CRYBG1: variants seen among roughly 807,000 people sequenced by gnomAD.
CRYBG1 encodes crystallin beta-gamma domain containing 1.
A neutral mutation model predicts 189.2 loss-of-function variants in CRYBG1; 139 were observed. The ratio of observed to expected loss-of-function variants is 0.73; its 90% CI spans 0.64 to 0.85. The LOEUF is 0.85. Ranked by LOEUF, CRYBG1 falls within the 40% of genes least tolerant of loss-of-function variation. CRYBG1 has a pLI of 0.00. For missense variants in CRYBG1, 2,611 were observed against 2,675.8 expected, an observed-to-expected ratio of 0.98 and a Z score of 0.53; for synonymous variants, 1,023 against 1,017.1, an observed-to-expected ratio of 1.01 and a Z score of -0.11.
chr6:106,396,029 C>G (rs182572988), intron 1 of CRYBG1, among the ~76,000 whole-genome samples: 45 of 152,240 alleles, frequency 3.0e-4, no homozygotes, highest in Admixed American at 5.2e-4. Context: ...CTTTCATGAT[C>G]CCAGGGCTAT....
chr6:106,532,638 T>G (rs1212561229), intron 8 of CRYBG1, among the ~76,000 whole-genome samples: 1 of 152,222 alleles, frequency 6.6e-6, no homozygotes, highest in Admixed American at 6.5e-5. Context: ...TGGTTTTGAT[T>G]TGCATTTCCC....
intron 6 of CRYBG1, among the ~76,000 whole-genome samples, chr6:106,526,620 C>G (rs1773743130): frequency 6.6e-6 from 1 of 152,042 alleles, no homozygotes; most frequent in African/African-American, 2.4e-5. Flanking sequence ...GTTAAAGTCT[C>G]TCTAAGAGAA....
At chr6:106,470,322 C>T (rs997969494) in intron 2 of CRYBG1, among the ~76,000 whole-genome samples, 7 of 152,242 alleles carry the variant, frequency 4.6e-5, no homozygotes, top group South Asian at 2.1e-4. Context: ...GAGACCTTGT[C>T]TCAAAACAAA....
intron 15 of CRYBG1, among the ~76,000 whole-genome samples, 156 bp from the exon 16 acceptor site, chr6:106,553,299 T>C (rs992024954): frequency 2.0e-5 from 3 of 152,214 alleles, no homozygotes; most frequent in African/African-American, 7.2e-5. Context: ...TAATTGATCA[T>C]GAATGTAGAC....
rs376673479 is a variant in CRYBG1 at position 106,494,807 on chromosome 6, G to T, written c.313-16623G>T. Among the ~76,000 whole-genome samples the T allele has an allele frequency of 1.5e-3, 226 of 152,188 alleles. 1 individual carries two copies. The highest frequency in any genetic ancestry group is 4.9e-3 in the African/African-American group (203 of 41,508). On this transcript the variant is annotated intron_variant, in intron 2 of 21. Coordinates refer to ENST00000633556, the MANE Select transcript of CRYBG1 (RefSeq NM_001371242.2). ...GACACATTTTTGTAATGGCACATGG[G>T]ATGTAGTTTGTAGTGTATAATGTAT...
chr6:106,481,855 C>A (rs760081058), intron 2 of CRYBG1, among the ~76,000 whole-genome samples: 31 of 152,334 alleles, frequency 2.0e-4, no homozygotes, highest in Non-Finnish European at 2.9e-4. Context: ...TTCATGCCTG[C>A]CATTAGTCCT....
In CRYBG1 at chr6:106,570,407, G is replaced by C. The variant is rs567524694; in HGVS notation, c.*1841G>C. The C allele has an allele frequency of 3.5e-4, 53 of 152,332 alleles. No individual in the cohort carries two copies. The highest frequency in any genetic ancestry group is 1.2e-3 in the African/African-American group (51 of 41,574). The allele number at this position is 152,332 out of a possible 1,614,324, so 9.4% of individuals were successfully genotyped here. A position where few individuals can be genotyped will look rare whatever the true frequency, so the allele number is the denominator to read the frequency against. ...GGGGTAAGACATTCTACAGTAGCCTGTGCTGAACTGATCTCTTAAATAAAC... is the reference window on the plus strand; with the variant it reads ...GGGGTAAGACATTCTACAGTAGCCTCTGCTGAACTGATCTCTTAAATAAAC... On this transcript the variant is annotated 3_prime_UTR_variant, in exon 22 of 22. Transcript: ENST00000633556.
At chr6:106,510,395 T>C (rs1195188785) in intron 2 of CRYBG1, among the ~76,000 whole-genome samples, 1 of 152,218 alleles carries the variant, frequency 6.6e-6, no homozygotes. Context: ...TTTGCTTTTA[T>C]TGGTTTGTTC....
chr6:106,378,192 G>A (rs562711940), intron 1 of CRYBG1, among the ~76,000 whole-genome samples: 167 of 152,242 alleles, frequency 1.1e-3, no homozygotes, highest in African/African-American at 4.0e-3. Context: ...TCTTCCTGTG[G>A]TCTTCCCACA....
At chr6:106,380,541 C>T (rs183132121) in intron 1 of CRYBG1, among the ~76,000 whole-genome samples, 1 of 152,262 alleles carries the variant, frequency 6.6e-6, no homozygotes, top group African/African-American at 2.4e-5. Context: ...GGAAATTCTT[C>T]TGTGTTCTAA....
intron 1 of CRYBG1, among the ~76,000 whole-genome samples, chr6:106,444,169 G>A (rs6922835): frequency 0.031 from 4,742 of 152,080 alleles, 210 homozygotes; most frequent in African/African-American, 0.097. Flanking sequence ...TATTGACACT[G>A]TCAAAATAAA....
rs199571215 is a variant in CRYBG1 at position 106,519,270 on chromosome 6, C to A, written c.2062C>A (p.Arg688=). The change falls in exon 4 of 22, where the codon CGG becomes AGG. Residue 688 remains arginine, a synonymous_variant. Coordinates refer to ENST00000633556, the MANE Select transcript of CRYBG1 (RefSeq NM_001371242.2). ...ATKISLFENK[R]TNSSPRHTDI... is the part of the protein sequence containing the mutation. ...CAAAATCTCCTTATTTGAAAACAAA[C>A]GGACAAACAGTAGCCCAAGACACAC... is the stretch of plus-strand genomic sequence containing the variant. The A allele has an allele frequency of 6.2e-7, 1 of 1,614,078 alleles. No homozygotes were observed. Among genetic ancestry groups the A allele is most frequent in the Non-Finnish European group, 8.5e-7 (1 of 1,180,034 alleles).
At chr6:106,389,952 AC>A (rs1197861175) in intron 1 of CRYBG1, among the ~76,000 whole-genome samples, 4 of 152,024 alleles carry the variant, frequency 2.6e-5, no homozygotes, top group African/African-American at 9.7e-5. Flanking sequence ...TTCGTTGTTC[AC>A]CCTTTTGGCA....
intron 2 of CRYBG1, among the ~76,000 whole-genome samples, chr6:106,504,522 C>T (rs189220856): frequency 1.3e-5 from 2 of 152,044 alleles, no homozygotes; most frequent in Non-Finnish European, 2.9e-5. Context: ...ATCTAGTATA[C>T]TCTTAGGTAA....
chr6:106,544,898 A>G lies in CRYBG1; in HGVS notation c.5277A>G (p.Gly1759=). Residue 1759 remains glycine, a synonymous_variant, in exon 13 of 22, where the codon GGA becomes GGG. Transcript: ENST00000633556. ...CTAATTTAAAGGAGACTGGATATGG[A>G]GTGAAGACACAGTCTATTAATGTAC... The part of the protein sequence containing the change: ...IVANLKETGY[G]VKTQSINVLS... The G allele has an allele frequency of 1.2e-6, 2 of 1,613,052 alleles. No homozygotes were observed. Among genetic ancestry groups the G allele is most frequent in the Non-Finnish European group, 8.5e-7 (1 of 1,179,688 alleles).
chr6:106,435,233 A>G (rs1483205057), intron 1 of CRYBG1, among the ~76,000 whole-genome samples: 5 of 152,036 alleles, frequency 3.3e-5, no homozygotes, highest in African/African-American at 9.7e-5. Flanking sequence ...TGGTGTGATC[A>G]TAGCTTACTA....
chr6:106,499,510 A>C (rs1300781045), intron 2 of CRYBG1, among the ~76,000 whole-genome samples: 2 of 77,192 alleles, frequency 2.6e-5, no homozygotes, highest in East Asian at 5.9e-4. Flanking sequence ...TAAATGTTTA[A>C]TTGACAAATA....
intron 1 of CRYBG1, among the ~76,000 whole-genome samples, chr6:106,371,289 G>C (rs1313443579): frequency 1.3e-5 from 2 of 152,188 alleles, no homozygotes; most frequent in South Asian, 4.1e-4. Context: ...TTAGTAAAAG[G>C]TATGATAGTT....
At chr6:106,548,297 TC>T (rs1774310537) in intron 13 of CRYBG1, among the ~76,000 whole-genome samples, 1 of 151,488 alleles carries the variant, frequency 6.6e-6, no homozygotes, top group Non-Finnish European at 1.5e-5. Flanking sequence ...CCTCCCCCAC[TC>T]CCCCCATTCA....
Sources: gnomAD v4.1 joint callset for allele counts (sites outside exome capture counted in the v4.1 genomes callset) on GRCh38, gnomAD v4.1.1 for gene constraint, MANE v1.5 for transcripts, NCBI Gene and HGNC (gene_info 2026-07-23, HGNC 2026-07-21) for gene names.